ADCY10: variants seen among roughly 807,000 people sequenced by gnomAD.
The protein encoded by ADCY10 is adenylate cyclase type 10.
In ADCY10, 156 loss-of-function variants were observed where a neutral mutation model predicts 183.3. The ratio of observed to expected loss-of-function variants is 0.85; its 90% CI spans 0.75 to 0.97. The LOEUF is 0.97. ADCY10 is among the 50% of genes least tolerant of loss of function. The pLI is 0.00. For synonymous variants in ADCY10, 645 were observed against 670.0 expected, an observed-to-expected ratio of 0.96 and a Z score of 0.58; for missense variants, 1,745 against 1,934.3, an observed-to-expected ratio of 0.90 and a Z score of 1.84.
At chr1:167,886,741 A>C (rs1303677088) in intron 8 of ADCY10, among the ~76,000 whole-genome samples, 1 of 152,252 alleles carries the variant, frequency 6.6e-6, no homozygotes, top group Non-Finnish European at 1.5e-5. Context: ...AAAAGAAATC[A>C]TCAGAGTGAA....
chr1:167,852,336 T>A (rs1665559721), intron 18 of ADCY10, among the ~76,000 whole-genome samples: 1 of 151,844 alleles, frequency 6.6e-6, no homozygotes, highest in Non-Finnish European at 1.5e-5. Flanking sequence ...CCTTGCTACA[T>A]GGGAGGCTGA....
chr1:167,845,748 C>A lies in ADCY10; in HGVS notation c.2822G>T (p.Trp941Leu). 6.2e-7 allele frequency: 1 copy of A among 1,614,234 alleles called. No homozygotes were observed. Among genetic ancestry groups the A allele is most frequent in the Non-Finnish European group, 8.5e-7 (1 of 1,180,052 alleles). The stretch of plus-strand genomic sequence containing the variant: ...CATGGCTTTTCTCTGGTCCTTGAGC[C>A]ACAGCTCGTAGGCTGTTTTCTGCAT... ...PMMQKTAYEL[W>L]LKDQRKAMHL... Residue 941 changes from tryptophan to leucine, a missense_variant, in exon 21 of 33, where the codon TGG becomes TTG. Physicochemically the swap from Trp to Leu is moderately conservative, Grantham distance 61 (BLOSUM62 -2). Coordinates refer to ENST00000367851, the MANE Select transcript of ADCY10 (RefSeq NM_018417.6).
intron 3 of ADCY10, among the ~76,000 whole-genome samples, chr1:167,902,455 A>AG (rs1256070715): frequency 1.3e-5 from 2 of 152,256 alleles, no homozygotes; most frequent in Non-Finnish European, 2.9e-5. Flanking sequence ...CACAAAAACT[A>AG]GGAGTCAGGG....
chr1:167,883,535 C>T lies in ADCY10; in HGVS notation c.922G>A (p.Glu308Lys). 1 of 1,614,256 alleles carries T rather than the reference C, an allele frequency of 6.2e-7. No individual in the cohort carries two copies. Among genetic ancestry groups the T allele is most frequent in the Non-Finnish European group, 8.5e-7 (1 of 1,180,048 alleles). ...TCCTGGATGGCTGGGCCTATCTCTT[C>T]TGCTTTGTCTTGGTCTTCAAACATC... Reference protein sequence around the residue: ...NLMFEDQDKAEEIGPAIQDAY... With the variant: ...NLMFEDQDKAKEIGPAIQDAY... Residue 308 changes from glutamate to lysine, a missense_variant, in exon 9 of 33, where the codon GAA becomes AAA. Coordinates refer to ENST00000367851, the MANE Select transcript of ADCY10 (RefSeq NM_018417.6).
chr1:167,821,855 G>A (rs1662932135), intron 30 of ADCY10, among the ~76,000 whole-genome samples, 169 bp downstream of exon 30: 1 of 152,146 alleles, frequency 6.6e-6, no homozygotes, highest in South Asian at 2.1e-4. Flanking sequence ...TGGCCAAGGG[G>A]GATGAACTAG....
intron 21 of ADCY10, among the ~76,000 whole-genome samples, chr1:167,841,502 C>CTT (rs71100905): frequency 4.4e-5 from 4 of 90,898 alleles, no homozygotes; most frequent in East Asian, 2.5e-4. Context: ...ATATGCTTTC[C>CTT]TTTTTTTTTT....
chr1:167,884,950 C>A (rs556158871), intron 8 of ADCY10, among the ~76,000 whole-genome samples: 1 of 152,268 alleles, frequency 6.6e-6, no homozygotes, highest in East Asian at 1.9e-4. Flanking sequence ...CCTGCCTTGG[C>A]CTCCCAAAGT....
In ADCY10 at chr1:167,909,615, A is replaced by G. The variant is rs74790822; in HGVS notation, c.-59+4361T>C. The stretch of plus-strand genomic sequence containing the variant: ...GTTAGTATTATTTTATGTGTGGCCC[A>G]AGATGATTCTTCCTCTTCCAATTGT... On this transcript the variant is annotated intron_variant, in intron 1 of 32. Coordinates refer to ENST00000367851, the MANE Select transcript of ADCY10 (RefSeq NM_018417.6). Among the ~76,000 whole-genome samples, 959 of 152,228 alleles carry G rather than the reference A, an allele frequency of 6.3e-3. 8 individuals are homozygous for G. The highest frequency in any genetic ancestry group is 0.022 in the African/African-American group (896 of 41,526).
At chr1:167,904,117 T>C in intron 2 of ADCY10, 126 bp from the exon 3 acceptor site, 2 of 603,996 alleles carry the variant, frequency 3.3e-6, no homozygotes, top group Non-Finnish European at 5.8e-6. Context: ...AGACAGAGTC[T>C]TGCTTTGTAG....
intron 14 of ADCY10, among the ~76,000 whole-genome samples, chr1:167,864,492 T>C (rs1287427077): frequency 5.9e-5 from 9 of 152,032 alleles, no homozygotes; most frequent in South Asian, 4.1e-4. Flanking sequence ...TTTCTGTACG[T>C]AGACAATTAC....
Position 167,822,136 on chromosome 1 carries a change from CA to C in ADCY10, c.4173del (p.Phe1391LeufsTer36). ...VCLDILLYSGFVYRTFEECLE... is the reference protein window; with the variant it reads ...VCLDILLYSGXVYRTFEECLE... ...AAACATTCTTCAAATGTTCTATAAA[CA>C]AAACCTAAGAGAGAGAGGAATGGGT... On this transcript the variant is annotated frameshift_variant, in exon 30 of 33. Transcript: ENST00000367851. LOFTEE classifies it high-confidence loss of function. 1 of 1,567,972 alleles carries C rather than the reference CA, an allele frequency of 6.4e-7. No individual in the cohort carries two copies. The highest frequency in any genetic ancestry group is 8.8e-7 in the Non-Finnish European group (1 of 1,137,954).
At chr1:167,876,305 AG>A (rs967619826) in intron 12 of ADCY10, among the ~76,000 whole-genome samples, 4 of 151,764 alleles carry the variant, frequency 2.6e-5, no homozygotes, top group Admixed American at 2.0e-4. Context: ...TTTGCCAGTG[AG>A]GAAATTCAGG....
At chr1:167,821,293 T>A (rs1160556646) in intron 30 of ADCY10, 1 of 153,190 alleles carries the variant, frequency 6.5e-6, no homozygotes, top group African/African-American at 2.4e-5. Context: ...GGGAGAATGC[T>A]GCTTCCTCAC....
In ADCY10 at chr1:167,833,049, A is replaced by C. The variant is rs1305332316; in HGVS notation, c.3531T>G (p.His1177Gln). ...YNLISLFLHI[H>Q]VEKNRHFHYV... is the part of the protein sequence containing the mutation. ...AATGAAAGTGTCTGTTTTTCTCGAC[A>C]TGGATATGGAGAAACAAGGAGATTA... Residue 1177 changes from histidine to glutamine, a missense_variant, in exon 25 of 33, where the codon CAT (histidine) becomes CAG (glutamine). Physicochemically the swap from His to Gln is conservative, Grantham distance 24. Transcript: ENST00000367851. The C allele has an allele frequency of 6.2e-7, 1 of 1,614,186 alleles. No individual in the cohort carries two copies. The highest frequency in any genetic ancestry group is 8.5e-7 in the Non-Finnish European group (1 of 1,180,022).
intron 31 of ADCY10, among the ~76,000 whole-genome samples, chr1:167,813,315 A>G (rs1662332194): frequency 6.6e-6 from 1 of 152,094 alleles, no homozygotes; most frequent in Admixed American, 6.5e-5. Context: ...CTCATCTGAA[A>G]ATTTAGAGGT....
intron 14 of ADCY10, among the ~76,000 whole-genome samples, chr1:167,863,649 C>G (rs1230302758): frequency 1.3e-5 from 2 of 152,342 alleles, no homozygotes; most frequent in Admixed American, 1.3e-4. Flanking sequence ...TTAGCCTGCC[C>G]TGTGGAACAT....
At chr1:167,830,282 T>C (rs10800328) in intron 25 of ADCY10, among the ~76,000 whole-genome samples, 17,228 of 151,902 alleles carry the variant, frequency 0.11, 1,157 homozygotes, top group East Asian at 0.31. Context: ...AGGGACTGTT[T>C]CTGTGGTTTT....
intron 30 of ADCY10, among the ~76,000 whole-genome samples, chr1:167,819,638 C>T (rs1405879024): frequency 1.3e-5 from 2 of 152,112 alleles, no homozygotes; most frequent in African/African-American, 2.4e-5. Context: ...TCTTGGCTCA[C>T]CGCAACCTTC....
chr1:167,836,922 G>C (rs1664250276), intron 22 of ADCY10: 1 of 363,366 alleles, frequency 2.8e-6, no homozygotes, highest in South Asian at 2.7e-5. Context: ...TTATTCAGGA[G>C]GCTGAGGCAG....
Sources: allele counts gnomAD v4.1 joint callset (sites outside exome capture counted in the v4.1 genomes callset), GRCh38; gene constraint gnomAD v4.1.1; transcripts MANE v1.5; gene names NCBI Gene and HGNC (gene_info 2026-07-23, HGNC 2026-07-21).